USP13: variants seen among roughly 807,000 people sequenced by gnomAD.
USP13 encodes ubiquitin specific peptidase 13, also known as ubiquitin carboxyl-terminal hydrolase 13.
In USP13, 68 loss-of-function variants were observed where a neutral mutation model predicts 107.8. That is an observed-to-expected ratio of 0.63 (90% CI 0.52 to 0.77). The LOEUF is 0.77. Among genes scored for constraint, USP13 ranks in the 30% least tolerant of loss-of-function variants. The probability of loss-of-function intolerance (pLI) is 0.00; values close to 1 mark genes in which losing one functional copy is unlikely to be tolerated. For missense variants in USP13, 945 were observed against 1,093.3 expected (o/e 0.86, Z 1.91); for synonymous variants, 377 against 389.5 (o/e 0.97, Z 0.38).
At chr3:179,726,178 A>T (rs1004834564) in intron 8 of USP13, among the ~76,000 whole-genome samples, 1 of 152,190 alleles carries the variant, frequency 6.6e-6, no homozygotes, top group Non-Finnish European at 1.5e-5. Flanking sequence ...CTTGAGAAGG[A>T]GCTGCCAAGC....
chr3:179,734,253 G>A (rs1486034397), intron 10 of USP13, among the ~76,000 whole-genome samples: 1 of 152,180 alleles, frequency 6.6e-6, no homozygotes, highest in Non-Finnish European at 1.5e-5. Context: ...TAAATATGTT[G>A]AATTGAATTT....
rs1714242423 is a variant in USP13, at chr3:179,742,555, G to A, written c.1534+205G>A. On this transcript the variant is annotated intron_variant, in intron 12 of 20. Coordinates refer to ENST00000263966, the MANE Select transcript of USP13 (RefSeq NM_003940.3). The surrounding 1 kb of genome is among the most constrained non-coding windows in gnomAD (Gnocchi z 5.0). ...AATCAAATGCATCACAGGTTTTATG[G>A]AGGCGTTATGGTTGGAACCTACGTC... Among the ~76,000 whole-genome samples, 1 of 152,182 alleles carries A rather than the reference G, an allele frequency of 6.6e-6. No homozygotes were observed. Among genetic ancestry groups the A allele is most frequent in the Non-Finnish European group, 1.5e-5 (1 of 68,028 alleles).
intron 4 of USP13, among the ~76,000 whole-genome samples, chr3:179,705,910 A>G (rs1020728360): frequency 6.6e-6 from 1 of 152,064 alleles, no homozygotes; most frequent in African/African-American, 2.4e-5. Context: ...TTTAGTAGAG[A>G]TAGGGTTTCA....
chr3:179,744,706 T>C (rs1048336439), intron 12 of USP13, among the ~76,000 whole-genome samples: 19 of 152,190 alleles, frequency 1.2e-4, no homozygotes, highest in African/African-American at 3.9e-4. Flanking sequence ...AATCCCAGTA[T>C]TGGCCTTTGG....
rs1235730645 is a variant in USP13, at chr3:179,763,949, A to C, written c.2093-53A>C. The stretch of plus-strand genomic sequence containing the variant: ...TTTTCCTTGTTAGTGTTGTTTCAGG[A>C]CAAAAAAAAAAAAAAAAAAAGGAAA... On this transcript the variant is annotated intron_variant, in intron 17 of 20. Transcript: ENST00000263966. 3.6e-6 allele frequency: 5 copies of C among 1,396,916 alleles called. No individual in the cohort carries two copies. The African/African-American group carries it at 4.9e-5, about 14-fold the overall frequency. 86.5% of individuals were successfully genotyped at this position (1,396,916 alleles called of 1,614,324 possible). A position where few individuals can be genotyped will look rare whatever the true frequency, so the allele number is the denominator to read the frequency against.
chr3:179,745,270 G>A, intron 13 of USP13, 53 bp downstream of exon 13: 2 of 1,556,630 alleles, frequency 1.3e-6, no homozygotes, highest in Non-Finnish European at 1.8e-6. Context: ...CTTGAGGGGT[G>A]GGGACAGGGG....
intron 17 of USP13, 63 bp downstream of exon 17, chr3:179,761,318 T>C (rs1715004332): frequency 6.3e-7 from 1 of 1,589,986 alleles, no homozygotes; most frequent in Non-Finnish European, 8.6e-7. Context: ...TGCTGAGTCC[T>C]GGTCCTTCCA....
chr3:179,741,620 G>A (rs1714204021), intron 11 of USP13, among the ~76,000 whole-genome samples: 1 of 152,146 alleles, frequency 6.6e-6, no homozygotes, highest in Non-Finnish European at 1.5e-5. Flanking sequence ...GCCTCCCAAA[G>A]TGCTGGGATT....
At chr3:179,729,126 G>A (rs1204727123) in intron 8 of USP13, among the ~76,000 whole-genome samples, 2 of 152,218 alleles carry the variant, frequency 1.3e-5, no homozygotes, top group Admixed American at 6.5e-5. Flanking sequence ...CTGGCAATGG[G>A]GGAGACATTG....
chr3:179,681,769 C>CT, intron 1 of USP13, 109 bp from the exon 2 acceptor site: 1 of 1,434,738 alleles, frequency 7.0e-7, no homozygotes. Context: ...CTCGGTGGCC[C>CT]TTTGCCAGGC....
intron 13 of USP13, among the ~76,000 whole-genome samples, chr3:179,749,177 C>T (rs1714511348): frequency 6.6e-6 from 1 of 152,058 alleles, no homozygotes; most frequent in African/African-American, 2.4e-5. Flanking sequence ...ATTTCTTTCT[C>T]AATAAAATCT....
chr3:179,747,914 A>T (rs1456453124), intron 13 of USP13, among the ~76,000 whole-genome samples: 1 of 152,176 alleles, frequency 6.6e-6, no homozygotes, highest in East Asian at 1.9e-4. Flanking sequence ...TTTTGTCTGC[A>T]TACACACATG....
At chr3:179,750,324 G>GTATATATATA in intron 13 of USP13, among the ~76,000 whole-genome samples, 1 of 38,430 alleles carries the variant, frequency 2.6e-5, no homozygotes, top group African/African-American at 1.0e-4. Flanking sequence ...ATATATATGT[G>GTATATATATA]TGTATATATA....
intron 1 of USP13, among the ~76,000 whole-genome samples, chr3:179,658,455 T>C (rs568494381): frequency 6.0e-4 from 91 of 152,300 alleles, no homozygotes; most frequent in African/African-American, 2.1e-3. Context: ...CCCACCTGCA[T>C]TGTAAGTGGA....
At chr3:179,676,830 C>T (rs1332343791) in intron 1 of USP13, among the ~76,000 whole-genome samples, 1 of 152,200 alleles carries the variant, frequency 6.6e-6, no homozygotes, top group Non-Finnish European at 1.5e-5. Flanking sequence ...GGGGCACACA[C>T]TACCTCTGTG....
chr3:179,775,394 C>T (rs367685447), intron 19 of USP13, among the ~76,000 whole-genome samples: 5 of 152,264 alleles, frequency 3.3e-5, no homozygotes, highest in South Asian at 2.1e-4. Context: ...CATATACAAT[C>T]CTCTGGCTAG....
In USP13 at chr3:179,653,463, T is replaced by TG. The variant is rs1226253792; in HGVS notation, c.168+71dup. ...CGGCACGTGAAGCCGGGGGAGAAGA[T>TG]GCGCAGTGGCGGCCGGGACCTCTTC... On this transcript the variant is annotated intron_variant, in intron 1 of 20. Coordinates refer to ENST00000263966, the MANE Select transcript of USP13 (RefSeq NM_003940.3). This position sits in a 1 kb window ranked among gnomAD's most constrained non-coding sequence, Gnocchi z 4.0. The TG allele has an allele frequency of 1.3e-6, 2 of 1,513,712 alleles. No homozygotes were observed. Among genetic ancestry groups the TG allele is most frequent in the African/African-American group, 2.8e-5 (2 of 71,238 alleles). 93.8% of individuals were successfully genotyped at this position (1,513,712 alleles called of 1,614,324 possible).
intron 11 of USP13, among the ~76,000 whole-genome samples, chr3:179,741,576 C>G (rs1050189640): frequency 6.6e-6 from 1 of 151,808 alleles, no homozygotes; most frequent in African/African-American, 2.4e-5. Flanking sequence ...AGGCTGGTCT[C>G]GAACTCCTGA....
chr3:179,752,434 A>G lies in USP13; in HGVS notation c.1798+61A>G, dbSNP rs544404721. 2.2e-5 allele frequency: 28 copies of G among 1,270,422 alleles called. No homozygotes were observed. The Admixed American group carries it at 3.7e-4, about 17-fold the overall frequency. The allele number at this position is 1,270,422 out of a possible 1,614,324, so 78.7% of individuals were successfully genotyped here. A position where few individuals can be genotyped will look rare whatever the true frequency, so the allele number is the denominator to read the frequency against. ...AAATGAGCCATTTAAACAACATGGC[A>G]TGTGAAAGAGCCCATGTAGTTGGCT... On this transcript the variant is annotated intron_variant, in intron 14 of 20. Coordinates refer to ENST00000263966, the MANE Select transcript of USP13 (RefSeq NM_003940.3).
Sources: gnomAD v4.1 joint callset for allele counts (sites outside exome capture counted in the v4.1 genomes callset) on GRCh38, gnomAD v4.1.1 for gene constraint, Gnocchi (gnomAD v3.1) non-coding constraint, MANE v1.5 for transcripts, NCBI Gene and HGNC (gene_info 2026-07-23, HGNC 2026-07-21) for gene names.